Variants in JARID2 observed in about 807,000 individuals in gnomAD.
JARID2 encodes protein Jumonji.
Under a neutral mutation model 125.6 loss-of-function variants are expected in JARID2, and 21 were observed. The ratio of observed to expected loss-of-function variants is 0.17; its 90% CI spans 0.12 to 0.24. The LOEUF (loss-of-function observed/expected upper bound fraction) is 0.24. JARID2 is among the 10% of genes least tolerant of loss of function. The pLI is 1.00. For synonymous variants in JARID2, 736 were observed against 661.6 expected (o/e 1.11, Z -1.73); for missense variants, 1,303 against 1,639.6 (o/e 0.79, Z 3.55).
intron 3 of JARID2, among the ~76,000 whole-genome samples, chr6:15,425,197 G>A (rs1766672559): frequency 1.3e-5 from 2 of 152,140 alleles, no homozygotes; most frequent in African/African-American, 4.8e-5. Flanking sequence ...CAAAATTTTT[G>A]GAGTGGCCTG....
intron 7 of JARID2, among the ~76,000 whole-genome samples, chr6:15,500,023 G>A (rs548889827): frequency 6.6e-6 from 1 of 152,250 alleles, no homozygotes; most frequent in Non-Finnish European, 1.5e-5. Flanking sequence ...GATTTAAAAC[G>A]TTGTTAATTT....
At position 15,339,599 on chromosome 6, in the gene JARID2, G is replaced by A. The variant is rs143853442; in HGVS notation, c.46-34518G>A. On this transcript the variant is annotated intron_variant, in intron 1 of 17. Transcript: ENST00000341776. ...TACCCAGGCCGGAGTGCAATGGTGCGATCTCGGCTCACCGCAACCTCTGCC... is the reference window on the plus strand; with the variant it reads ...TACCCAGGCCGGAGTGCAATGGTGCAATCTCGGCTCACCGCAACCTCTGCC... Among the ~76,000 whole-genome samples, 1,119 of 149,858 alleles carry A rather than the reference G, an allele frequency of 7.5e-3. 15 individuals are homozygous for A. Among genetic ancestry groups the A allele is most frequent in the African/African-American group, 0.026 (1,062 of 40,686 alleles).
intron 1 of JARID2, among the ~76,000 whole-genome samples, chr6:15,257,744 G>C (rs1029212700): frequency 1.3e-5 from 2 of 152,160 alleles, no homozygotes; most frequent in Non-Finnish European, 2.9e-5. Flanking sequence ...TTAGGCCAGC[G>C]GGTTGGTTGG....
At chr6:15,311,369 G>A (rs942963117) in intron 1 of JARID2, among the ~76,000 whole-genome samples, 6 of 152,160 alleles carry the variant, frequency 3.9e-5, no homozygotes, top group Admixed American at 2.6e-4. Flanking sequence ...CCTGTGGTTG[G>A]GAGTTCGAGA....
intron 6 of JARID2, among the ~76,000 whole-genome samples, chr6:15,490,978 A>G (rs867855133): frequency 1.4e-4 from 21 of 152,170 alleles, no homozygotes; most frequent in African/African-American, 4.8e-4. Flanking sequence ...GTTTTGCAGG[A>G]CCTTCCATTG....
At chr6:15,471,147 G>C (rs1374221163) in intron 5 of JARID2, among the ~76,000 whole-genome samples, 1 of 152,216 alleles carries the variant, frequency 6.6e-6, no homozygotes, top group Non-Finnish European at 1.5e-5. Context: ...GAAGGTAATT[G>C]AATAGGAATT....
chr6:15,494,437 A>ATTTTTTTTTTTT (rs1561902091), intron 6 of JARID2, among the ~76,000 whole-genome samples: 3 of 35,806 alleles, frequency 8.4e-5, no homozygotes, highest in Non-Finnish European at 1.5e-4. Flanking sequence ...TTTTTTTGAG[A>ATTTTTTTTTTTT]CAAGAGTCTC....
intron 16 of JARID2, among the ~76,000 whole-genome samples, chr6:15,514,817 A>G (rs1771466617): frequency 6.6e-6 from 1 of 152,124 alleles, no homozygotes; most frequent in African/African-American, 2.4e-5. Flanking sequence ...GAGATCCTGG[A>G]GGTTCAACGT....
chr6:15,277,352 G>A (rs953612691), intron 1 of JARID2, among the ~76,000 whole-genome samples: 1 of 152,080 alleles, frequency 6.6e-6, no homozygotes, highest in African/African-American at 2.4e-5. Context: ...TGGAACTCCT[G>A]GGCTCTAGCA....
intron 3 of JARID2, among the ~76,000 whole-genome samples, chr6:15,417,182 C>T (rs1000484954): frequency 1.3e-5 from 2 of 152,012 alleles, no homozygotes; most frequent in African/African-American, 2.4e-5. Context: ...AAAAATTTCA[C>T]GAGAACAGTG....
chr6:15,265,963 C>T (rs55650454), intron 1 of JARID2, among the ~76,000 whole-genome samples: 10 of 152,218 alleles, frequency 6.6e-5, no homozygotes, highest in Non-Finnish European at 8.8e-5. Flanking sequence ...TCCTAGCCAA[C>T]GGGGGTGAAT....
chr6:15,361,977 AC>A (rs1453835458), intron 1 of JARID2, among the ~76,000 whole-genome samples: 2 of 146,346 alleles, frequency 1.4e-5, no homozygotes, highest in African/African-American at 5.1e-5. Flanking sequence ...CTCACTGCAA[AC>A]TCTGCCTTCT....
chr6:15,480,955 T>C (rs1225251438), intron 5 of JARID2, among the ~76,000 whole-genome samples: 1 of 152,234 alleles, frequency 6.6e-6, no homozygotes, highest in Non-Finnish European at 1.5e-5. Flanking sequence ...TTGGGGAACA[T>C]TGTTTAGGAC....
At chr6:15,253,207 A>G (rs1759524316) in intron 1 of JARID2, among the ~76,000 whole-genome samples, 1 of 151,854 alleles carries the variant, frequency 6.6e-6, no homozygotes, top group Admixed American at 6.6e-5. Context: ...GGGACTAACC[A>G]GCGTGTGCCA....
At chr6:15,359,211 G>A (rs1291816164) in intron 1 of JARID2, among the ~76,000 whole-genome samples, 1 of 152,184 alleles carries the variant, frequency 6.6e-6, no homozygotes, top group Non-Finnish European at 1.5e-5. Context: ...TGACTCGCAG[G>A]TTGGTAAATA....
intron 1 of JARID2, among the ~76,000 whole-genome samples, chr6:15,268,433 A>G (rs1403277118): frequency 6.6e-6 from 1 of 152,176 alleles, no homozygotes; most frequent in Non-Finnish European, 1.5e-5. Flanking sequence ...TTATCCAGTT[A>G]TGGCAGAATG....
intron 2 of JARID2, among the ~76,000 whole-genome samples, chr6:15,385,842 A>G (rs1375707221): frequency 6.6e-6 from 1 of 152,090 alleles, no homozygotes; most frequent in African/African-American, 2.4e-5. Context: ...ACACCGTGAC[A>G]CCCTAGGCCC....
intron 17 of JARID2, among the ~76,000 whole-genome samples, chr6:15,519,283 A>T (rs1446581816): frequency 6.6e-6 from 1 of 152,116 alleles, no homozygotes; most frequent in Non-Finnish European, 1.5e-5. Context: ...AGCAGCCATG[A>T]CTATGGTGTT....
chr6:15,303,254 C>T (rs537618133), intron 1 of JARID2, among the ~76,000 whole-genome samples: 3 of 152,344 alleles, frequency 2.0e-5, no homozygotes, highest in East Asian at 1.9e-4. Flanking sequence ...TAGCGCACCT[C>T]GAACTTGAAC....
Sources: allele counts gnomAD v4.1 joint callset (sites outside exome capture counted in the v4.1 genomes callset), GRCh38; gene constraint gnomAD v4.1.1; transcripts MANE v1.5; gene names NCBI Gene and HGNC (gene_info 2026-07-23, HGNC 2026-07-21).